LAMP3: variants seen among roughly 807,000 people sequenced by gnomAD.
LAMP3 encodes lysosome associated membrane protein 3, also known as lysosome-associated membrane glycoprotein 3.
Under a neutral mutation model 34.8 loss-of-function variants are expected in LAMP3, and 26 were observed. The observed-to-expected ratio is 0.75, with a 90% confidence interval of 0.55 to 1.04. LAMP3 has a LOEUF of 1.04. Among genes scored for constraint, LAMP3 ranks in the 50% least tolerant of loss-of-function variants. The pLI is 0.00. For missense variants in LAMP3, 495 were observed against 524.0 expected, an observed-to-expected ratio of 0.94 and a Z score of 0.54; for synonymous variants, 180 against 201.9, an observed-to-expected ratio of 0.89 and a Z score of 0.92.
intron 3 of LAMP3, among the ~76,000 whole-genome samples, chr3:183,147,175 G>A (rs531495367): frequency 1.4e-4 from 21 of 152,030 alleles, no homozygotes; most frequent in Non-Finnish European, 3.1e-4. Flanking sequence ...CCCAAGAGGC[G>A]GAGGTTGCAG....
chr3:183,137,249 G>C (rs1720126413), intron 4 of LAMP3, among the ~76,000 whole-genome samples: 1 of 151,436 alleles, frequency 6.6e-6, no homozygotes, highest in Admixed American at 6.6e-5. Flanking sequence ...AATCCGAGGG[G>C]TGGAGGTTGC....
intron 5 of LAMP3, among the ~76,000 whole-genome samples, chr3:183,125,654 TC>T (rs1171177759): frequency 6.6e-6 from 1 of 152,170 alleles, no homozygotes; most frequent in Non-Finnish European, 1.5e-5. Context: ...GTTAAAAGTA[TC>T]TTGTATCTTG....
Position 183,122,513 on chromosome 3 carries a change from A to G in LAMP3, c.*1568T>C, listed in dbSNP as rs2108592587. On this transcript the variant is annotated 3_prime_UTR_variant, in exon 6 of 6. Coordinates refer to ENST00000265598, the MANE Select transcript of LAMP3 (RefSeq NM_014398.4). ...AGGAAATATGGATATGAAGTGCAGA[A>G]GCAGCAAGTTACCACAAGATGGGGC... 6.6e-6 allele frequency: 1 copy of G among 152,374 alleles called. No individual in the cohort carries two copies. Among genetic ancestry groups the G allele is most frequent in the East Asian group, 1.9e-4 (1 of 5,192 alleles). 9.4% of individuals were successfully genotyped at this position (152,374 alleles called of 1,614,324 possible). A position where few individuals can be genotyped will look rare whatever the true frequency, so the allele number is the denominator to read the frequency against.
chr3:183,160,140 C>G (rs990981357), intron 1 of LAMP3, among the ~76,000 whole-genome samples: 1 of 152,186 alleles, frequency 6.6e-6, no homozygotes, highest in Non-Finnish European at 1.5e-5. Context: ...TGGCTTGTGT[C>G]TTACGTGTAA....
chr3:183,130,966 C>T (rs539772716), intron 5 of LAMP3, among the ~76,000 whole-genome samples: 1 of 152,274 alleles, frequency 6.6e-6, no homozygotes, highest in East Asian at 1.9e-4. Flanking sequence ...CCCAGCTCCA[C>T]TGCCCCCTCT....
At chr3:183,144,064 T>A (rs1720368299) in intron 3 of LAMP3, among the ~76,000 whole-genome samples, 1 of 152,172 alleles carries the variant, frequency 6.6e-6, no homozygotes, top group Admixed American at 6.5e-5. Context: ...CGTGGAAGTT[T>A]CATAGTCCCA....
chr3:183,157,792 C>T (rs1443284247), intron 1 of LAMP3, among the ~76,000 whole-genome samples: 1 of 152,078 alleles, frequency 6.6e-6, no homozygotes, highest in African/African-American at 2.4e-5. Flanking sequence ...GAACTCTTCT[C>T]TCAGTGGTAA....
At chr3:183,160,094 T>C (rs1720933907) in intron 1 of LAMP3, among the ~76,000 whole-genome samples, 1 of 152,138 alleles carries the variant, frequency 6.6e-6, no homozygotes, top group Admixed American at 6.5e-5. Flanking sequence ...CATGAAAGAG[T>C]AACAAGCAAC....
rs537306534 is a variant in LAMP3 at position 183,140,261 on chromosome 3, G to T, written c.946+277C>A. 3.9e-5 allele frequency among the ~76,000 whole-genome samples: 6 copies of T among 152,084 alleles called. No homozygotes were observed. In the South Asian group the frequency reaches 1.0e-3, roughly 26 times the overall value. ...ATCTCTACTAAAAATACAAAAATTAGCTGGGTGTGGTGGCACACGCCTGTA... is the reference window on the plus strand; with the variant it reads ...ATCTCTACTAAAAATACAAAAATTATCTGGGTGTGGTGGCACACGCCTGTA... On this transcript the variant is annotated intron_variant, in intron 4 of 5. Transcript: ENST00000265598.
At chr3:183,141,555 GA>G (rs1335442147) in intron 3 of LAMP3, among the ~76,000 whole-genome samples, 4 of 152,156 alleles carry the variant, frequency 2.6e-5, no homozygotes. Flanking sequence ...ACCTGAAATT[GA>G]ATTACTTTTA....
chr3:183,130,214 A>G (rs1449640739), intron 5 of LAMP3, among the ~76,000 whole-genome samples: 1 of 134,896 alleles, frequency 7.4e-6, no homozygotes, highest in African/African-American at 2.8e-5. Context: ...GCTGGAGTAC[A>G]GTGGTGCCAT....
rs544215596 is a variant in LAMP3 at position 183,156,912 on chromosome 3, G to A, written c.50-2521C>T. On this transcript the variant is annotated intron_variant, in intron 1 of 5. Coordinates refer to ENST00000265598, the MANE Select transcript of LAMP3 (RefSeq NM_014398.4). Reference sequence around the variant, plus strand: ...TGAGGGGTGGTGGAGGTGGGGTGTCGCTGGGAAGAATGGTGAGAGAAGACA... The same window carrying A: ...TGAGGGGTGGTGGAGGTGGGGTGTCACTGGGAAGAATGGTGAGAGAAGACA... Among the ~76,000 whole-genome samples, 11 of 152,220 alleles carry A rather than the reference G, an allele frequency of 7.2e-5. No individual in the cohort carries two copies. The South Asian group carries it at 1.5e-3, about 20-fold the overall frequency.
chr3:183,129,792 G>A (rs568389531), intron 5 of LAMP3, among the ~76,000 whole-genome samples: 1 of 152,012 alleles, frequency 6.6e-6, no homozygotes, highest in East Asian at 1.9e-4. Flanking sequence ...TCCCCTCCCT[G>A]CCCCCAAATT....
chr3:183,162,939 T>C, upstream of LAMP3: 1 of 442,274 alleles, frequency 2.3e-6, no homozygotes, highest in East Asian at 4.0e-5. Flanking sequence ...CCTCCGCTCA[T>C]ACCCTGGGTC....
chr3:183,142,949 C>T (rs564201098), intron 3 of LAMP3, among the ~76,000 whole-genome samples: 10 of 152,288 alleles, frequency 6.6e-5, no homozygotes, highest in Non-Finnish European at 1.2e-4. Context: ...TCTGCGCTTT[C>T]TAGGGCTAAT....
intron 1 of LAMP3, among the ~76,000 whole-genome samples, chr3:183,159,015 C>T (rs1720901864): frequency 1.3e-5 from 2 of 152,144 alleles, no homozygotes; most frequent in South Asian, 4.1e-4. Context: ...CCTCCCACCT[C>T]AGCCTTTCCA....
chr3:183,154,228 A>T lies in LAMP3; in HGVS notation c.213T>A (p.Gly71=), dbSNP rs1720757480. The T allele has an allele frequency of 6.2e-7, 1 of 1,613,774 alleles. No individual in the cohort carries two copies. The change falls in exon 2 of 6, where the codon GGT becomes GGA. Residue 71 remains glycine, a synonymous_variant. Coordinates refer to ENST00000265598, the MANE Select transcript of LAMP3 (RefSeq NM_014398.4). Reference sequence around the variant, plus strand: ...TGGCCGCTGTTTGAAAGGTGATATGACCATCCATGAATCTTGCTGCTAAAG... The same window carrying T: ...TGGCCGCTGTTTGAAAGGTGATATGTCCATCCATGAATCTTGCTGCTAAAG... ...HQTLAARFMD[G]HITFQTAATV...
intron 3 of LAMP3, among the ~76,000 whole-genome samples, chr3:183,142,970 G>C (rs1720331426): frequency 1.3e-5 from 2 of 152,142 alleles, no homozygotes; most frequent in South Asian, 4.1e-4. Flanking sequence ...CAAAAAATGA[G>C]GCCTTCCGTA....
At chr3:183,162,772 C>G (rs1470032404), upstream of LAMP3, 30 of 972,174 alleles carry the variant, frequency 3.1e-5, no homozygotes, top group South Asian at 3.7e-4. Context: ...GAGAAGCAGC[C>G]GAAAAGCCCG....
Sources: gnomAD v4.1 joint callset for allele counts (sites outside exome capture counted in the v4.1 genomes callset) on GRCh38, gnomAD v4.1.1 for gene constraint, MANE v1.5 for transcripts, NCBI Gene and HGNC (gene_info 2026-07-23, HGNC 2026-07-21) for gene names.